Variants in CDH4 observed in about 807,000 individuals in gnomAD.
The protein encoded by CDH4 is cadherin-4.
Under a neutral mutation model 86.0 loss-of-function variants are expected in CDH4, and 33 were observed. That is an observed-to-expected ratio of 0.38 (90% CI 0.29 to 0.51). The LOEUF is 0.51. Ranked by LOEUF, CDH4 falls within the 20% of genes least tolerant of loss-of-function variation. The probability of loss-of-function intolerance (pLI) is 0.86; values close to 1 mark genes in which losing one functional copy is unlikely to be tolerated. For missense variants in CDH4, 1,114 were observed against 1,307.4 expected (o/e 0.85, Z 2.28); for synonymous variants, 555 against 549.4 (o/e 1.01, Z -0.14).
rs545165601 is a variant in CDH4 at position 61,485,954 on chromosome 20, G to C, written c.169+231017G>C. The stretch of plus-strand genomic sequence containing the variant: ...ACTAATTACACCACCCCCTTGAGTC[G>C]AGACCAACAATCTGATGAGTGCATC... On this transcript the variant is annotated intron_variant, in intron 2 of 15. Coordinates refer to ENST00000614565, the MANE Select transcript of CDH4 (RefSeq NM_001794.5). Among the ~76,000 whole-genome samples the C allele has an allele frequency of 4.3e-4, 65 of 152,282 alleles. 1 individual carries two copies. Among genetic ancestry groups the C allele is most frequent in the African/African-American group, 1.6e-3 (65 of 41,568 alleles).
chr20:61,474,745 T>C (rs887223869), intron 2 of CDH4, among the ~76,000 whole-genome samples: 14 of 152,212 alleles, frequency 9.2e-5, no homozygotes, highest in African/African-American at 3.1e-4. Flanking sequence ...TTTTTCCATT[T>C]TTGATACTTC....
At chr20:61,458,581 AATG>A in intron 2 of CDH4, among the ~76,000 whole-genome samples, 1 of 151,852 alleles carries the variant, frequency 6.6e-6, no homozygotes, top group African/African-American at 2.4e-5. Flanking sequence ...TGATGGTGAT[AATG>A]ATTTGGATAG....
chr20:61,363,818 C>T (rs1344344431), intron 2 of CDH4, among the ~76,000 whole-genome samples: 1 of 152,150 alleles, frequency 6.6e-6, no homozygotes, highest in African/African-American at 2.4e-5. Context: ...ATATAGAAAT[C>T]GTTACAGATG....
chr20:61,668,355 G>T (rs944260), intron 2 of CDH4, among the ~76,000 whole-genome samples: 5 of 152,130 alleles, frequency 3.3e-5, no homozygotes, highest in African/African-American at 9.7e-5. Context: ...CCCCGAAGCC[G>T]CAGAGGATGC....
In CDH4 at chr20:61,668,313, A is replaced by T. The variant is rs1039980497; in HGVS notation, c.170-75250A>T. Among the ~76,000 whole-genome samples the T allele has an allele frequency of 2.6e-5, 4 of 152,232 alleles. No individual in the cohort carries two copies. In the East Asian group the frequency reaches 5.8e-4, roughly 22 times the overall value. On this transcript the variant is annotated intron_variant, in intron 2 of 15. Transcript: ENST00000614565. ...TATTGACAGACAGACACGCACATGC[A>T]TGTGCAGGCAGGGGGAATTTAGCCC...
chr20:61,720,782 C>G (rs770403724), intron 2 of CDH4, among the ~76,000 whole-genome samples: 1 of 152,040 alleles, frequency 6.6e-6, no homozygotes, highest in African/African-American at 2.4e-5. Flanking sequence ...TTGTAGGGGT[C>G]GGGGAGGCGT....
intron 4 of CDH4, among the ~76,000 whole-genome samples, chr20:61,804,527 G>C (rs753101283): frequency 6.6e-6 from 1 of 152,198 alleles, no homozygotes; most frequent in Non-Finnish European, 1.5e-5. Flanking sequence ...AAAGCACTCA[G>C]TCCCCCTTCC....
intron 2 of CDH4, among the ~76,000 whole-genome samples, chr20:61,588,474 G>T (rs1328488095): frequency 6.6e-6 from 1 of 152,218 alleles, no homozygotes; most frequent in East Asian, 1.9e-4. Context: ...AAAAAAGAAA[G>T]ATCGTGAATT....
chr20:61,600,162 G>T (rs535263122), intron 2 of CDH4, among the ~76,000 whole-genome samples: 3 of 152,384 alleles, frequency 2.0e-5, no homozygotes, highest in South Asian at 4.1e-4. Flanking sequence ...GGTCCCGCGC[G>T]AGGGCGTGGC....
rs115037891 is a variant in CDH4, at chr20:61,921,378, T to C, written c.1375-2073T>C. ...CACGCTGCTGCGTGGCAATCTGCACTTTTTGCAGGAGTACGTTTTTTTAAT... is the reference window on the plus strand; with the variant it reads ...CACGCTGCTGCGTGGCAATCTGCACCTTTTGCAGGAGTACGTTTTTTTAAT... On this transcript the variant is annotated intron_variant, in intron 9 of 15. Transcript: ENST00000614565. Among the ~76,000 whole-genome samples, 1,026 of 152,410 alleles carry C rather than the reference T, an allele frequency of 6.7e-3. 17 individuals carry two copies. Among genetic ancestry groups the C allele is most frequent in the African/African-American group, 0.024 (990 of 41,604 alleles).
chr20:61,679,315 T>G (rs1471948311), intron 2 of CDH4, among the ~76,000 whole-genome samples: 1 of 152,186 alleles, frequency 6.6e-6, no homozygotes, highest in East Asian at 1.9e-4. Context: ...GGTTCTAAAT[T>G]TGAGTGCTTG....
intron 4 of CDH4, among the ~76,000 whole-genome samples, chr20:61,820,711 C>T (rs898475619): frequency 1.3e-5 from 2 of 152,194 alleles, no homozygotes; most frequent in African/African-American, 4.8e-5. Context: ...GGCAGCTTTG[C>T]TTTGAAACCC....
At chr20:61,273,101 C>T (rs62199398) in intron 2 of CDH4, among the ~76,000 whole-genome samples, 32 of 24,068 alleles carry the variant, frequency 1.3e-3, no homozygotes, top group East Asian at 1.3e-3. Context: ...GGGAGTACCA[C>T]GTGCAGTTTG....
At chr20:61,919,134 G>C (rs1305096700) in intron 9 of CDH4, among the ~76,000 whole-genome samples, 1 of 152,250 alleles carries the variant, frequency 6.6e-6, no homozygotes, top group Non-Finnish European at 1.5e-5. Context: ...GCTTTTCAAA[G>C]TGTTGGGATT....
rs983481941 is a variant in CDH4, at chr20:61,582,811, C to T, written c.170-160752C>T. 2.0e-5 allele frequency among the ~76,000 whole-genome samples: 3 copies of T among 152,206 alleles called. No individual in the cohort carries two copies. Among genetic ancestry groups the T allele is most frequent in the African/African-American group, 7.2e-5 (3 of 41,454 alleles). On this transcript the variant is annotated intron_variant, in intron 2 of 15. Transcript: ENST00000614565. The surrounding 1 kb of genome is among the most constrained non-coding windows in gnomAD (Gnocchi z 4.2). ...TAATTTACATGCCCTACACTCCACT[C>T]ATCTAAGCTGTGCAAATCAACGATG...
rs895275325 is a variant in CDH4 at position 61,516,519 on chromosome 20, G to A, written c.170-227044G>A. Among the ~76,000 whole-genome samples the A allele has an allele frequency of 2.0e-5, 3 of 152,262 alleles. No individual in the cohort carries two copies. The highest frequency in any genetic ancestry group is 2.1e-4 in the South Asian group (1 of 4,824). ...TCCATGTTGGGGAGTCTAACGGCAGGTTCTCACCGCCCTGGAAACTACATC... is the reference window on the plus strand; with the variant it reads ...TCCATGTTGGGGAGTCTAACGGCAGATTCTCACCGCCCTGGAAACTACATC... On this transcript the variant is annotated intron_variant, in intron 2 of 15. Transcript: ENST00000614565. This position sits in a 1 kb window ranked among gnomAD's most constrained non-coding sequence, Gnocchi z 4.0.
chr20:61,474,474 A>T (rs1350991542), intron 2 of CDH4, among the ~76,000 whole-genome samples: 2 of 151,802 alleles, frequency 1.3e-5, no homozygotes, highest in Non-Finnish European at 2.9e-5. Context: ...TGCACCGGCC[A>T]GAATAGTACA....
At chr20:61,520,307 AC>A (rs1013752591) in intron 2 of CDH4, among the ~76,000 whole-genome samples, 19 of 152,278 alleles carry the variant, frequency 1.2e-4, no homozygotes, top group African/African-American at 4.3e-4. Flanking sequence ...CTGGTGCTGG[AC>A]CCTGAGAGGC....
intron 2 of CDH4, among the ~76,000 whole-genome samples, chr20:61,419,557 G>A (rs1229835424): frequency 6.6e-6 from 1 of 152,094 alleles, no homozygotes; most frequent in Non-Finnish European, 1.5e-5. Context: ...TGGCTTCCAG[G>A]CCAGCCACAG....
Sources: gnomAD v4.1 joint callset for allele counts (sites outside exome capture counted in the v4.1 genomes callset) on GRCh38, gnomAD v4.1.1 for gene constraint, Gnocchi (gnomAD v3.1) non-coding constraint, MANE v1.5 for transcripts, NCBI Gene and HGNC (gene_info 2026-07-23, HGNC 2026-07-21) for gene names.